CSMD2: variants seen among roughly 807,000 people sequenced by gnomAD.
CSMD2 encodes the protein CUB and Sushi multiple domains 2.
Under a neutral mutation model 398.5 loss-of-function variants are expected in CSMD2, and 130 were observed. The ratio of observed to expected loss-of-function variants is 0.33; its 90% CI spans 0.28 to 0.38. The LOEUF is 0.38. Ranked by LOEUF, CSMD2 falls within the 10% of genes least tolerant of loss-of-function variation. The pLI, the probability that CSMD2 is intolerant of heterozygous loss-of-function variation, is 1.00. For synonymous variants in CSMD2, 1,828 were observed against 1,908.5 expected (o/e 0.96, Z 1.10); for missense variants, 3,829 against 4,764.9 (o/e 0.80, Z 5.78).
intron 56 of CSMD2, among the ~76,000 whole-genome samples, chr1:33,548,148 C>A (rs1357083906): frequency 2.0e-5 from 3 of 152,172 alleles, no homozygotes; most frequent in Non-Finnish European, 4.4e-5. Flanking sequence ...CCTGTACAGC[C>A]TGCAGAACTG....
At chr1:33,871,220 C>G (rs1640435797) in intron 5 of CSMD2, among the ~76,000 whole-genome samples, 1 of 152,128 alleles carries the variant, frequency 6.6e-6, no homozygotes, top group South Asian at 2.1e-4. Context: ...AGGATAGTAT[C>G]ATGACATATA....
At chr1:33,589,661 A>G (rs938563486) in intron 44 of CSMD2, among the ~76,000 whole-genome samples, 1 of 152,206 alleles carries the variant, frequency 6.6e-6, no homozygotes, top group East Asian at 1.9e-4. Flanking sequence ...GCGTGACAAA[A>G]CAGTGCCTCT....
chr1:33,722,434 A>G (rs1646387027), intron 19 of CSMD2, among the ~76,000 whole-genome samples: 1 of 152,250 alleles, frequency 6.6e-6, no homozygotes, highest in Non-Finnish European at 1.5e-5. Context: ...AAGTGTCCAC[A>G]TTATCCCCCA....
At chr1:33,995,827 G>T (rs1283349615) in intron 3 of CSMD2, among the ~76,000 whole-genome samples, 2 of 152,204 alleles carry the variant, frequency 1.3e-5, no homozygotes, top group Admixed American at 1.3e-4. Flanking sequence ...CAGTAACCGG[G>T]AGCAGTGGTT....
intron 49 of CSMD2, among the ~76,000 whole-genome samples, chr1:33,574,570 T>C (rs375824418): frequency 2.0e-5 from 3 of 152,140 alleles, no homozygotes; most frequent in South Asian, 2.1e-4. Context: ...CAGAGTCCCA[T>C]TGAGATTGCC....
chr1:33,826,127 G>A (rs1385512874), intron 6 of CSMD2, among the ~76,000 whole-genome samples: 2 of 152,162 alleles, frequency 1.3e-5, no homozygotes, highest in Non-Finnish European at 2.9e-5. Flanking sequence ...GAGCGTCGAC[G>A]TGTGCAGCCT....
chr1:33,935,628 G>A (rs1179612085), intron 4 of CSMD2, 132 bp downstream of exon 4: 4 of 905,258 alleles, frequency 4.4e-6, no homozygotes, highest in Non-Finnish European at 4.9e-6. Flanking sequence ...AACCCTCTGT[G>A]CTGTCCAGAC....
Position 33,586,449 on chromosome 1 carries a change from G to A in CSMD2, c.7051+55C>T. On this transcript the variant is annotated intron_variant, in intron 46 of 70. Coordinates refer to ENST00000373381, the MANE Select transcript of CSMD2 (RefSeq NM_001281956.2). ...GAATAGAAAGAGGAGCAAAACAAGA[G>A]CTTTGTTCAGGAGGAACTTCTAGGC... The A allele has an allele frequency of 2.6e-6, 3 of 1,169,320 alleles. No homozygotes were observed. In the South Asian group the frequency reaches 3.7e-5, roughly 14 times the overall value. The allele number at this position is 1,169,320 out of a possible 1,614,324, so 72.4% of individuals were successfully genotyped here. A position where few individuals can be genotyped will look rare whatever the true frequency, so the allele number is the denominator to read the frequency against.
chr1:33,995,018 C>T (rs1043198165), intron 3 of CSMD2, among the ~76,000 whole-genome samples: 8 of 151,150 alleles, frequency 5.3e-5, no homozygotes, highest in Non-Finnish European at 8.8e-5. Context: ...GAGCCAAGAT[C>T]GCCCCACCGC....
intron 56 of CSMD2, among the ~76,000 whole-genome samples, chr1:33,549,247 G>C (rs1657193920): frequency 1.3e-5 from 2 of 152,188 alleles, no homozygotes; most frequent in Admixed American, 1.3e-4. Context: ...AGGAGGTCAT[G>C]ATCCTTTCCT....
chr1:33,864,662 T>C, intron 5 of CSMD2: 1 of 1,613,874 alleles, frequency 6.2e-7, no homozygotes, highest in Non-Finnish European at 8.5e-7. Flanking sequence ...TCGAGGAACT[T>C]GAACTCTACC....
At chr1:33,966,621 T>C (rs1224852153) in intron 3 of CSMD2, among the ~76,000 whole-genome samples, 1 of 151,586 alleles carries the variant, frequency 6.6e-6, no homozygotes, top group Non-Finnish European at 1.5e-5. Flanking sequence ...AGCGAGGGAG[T>C]CTAAGGAAGT....
chr1:33,940,077 C>A (rs1477689032), intron 3 of CSMD2, among the ~76,000 whole-genome samples: 1 of 152,232 alleles, frequency 6.6e-6, no homozygotes, highest in Non-Finnish European at 1.5e-5. Context: ...GAGCCATGAT[C>A]TCTTTGAAAC....
chr1:33,656,175 G>T (rs920380558), intron 27 of CSMD2, among the ~76,000 whole-genome samples: 2 of 152,120 alleles, frequency 1.3e-5, no homozygotes, highest in African/African-American at 4.8e-5. Flanking sequence ...AAGATAGAAA[G>T]GAAGGAAATT....
chr1:33,583,799 G>A lies in CSMD2; in HGVS notation c.7083C>T (p.Asp2361=), dbSNP rs532945313. ...TCTGGCTCAGGATCACGCCTGTGGAGTCTGTCAGAAGCTCATTTGTTGGAC... is the reference window on the plus strand; with the variant it reads ...TCTGGCTCAGGATCACGCCTGTGGAATCTGTCAGAAGCTCATTTGTTGGAC... ...VHCPTNELLT[D]STGVILSQSY... Residue 2361 remains aspartate, a synonymous_variant, in exon 47 of 71, where the codon GAC becomes GAT. Transcript: ENST00000373381. The A allele has an allele frequency of 1.2e-6, 2 of 1,614,174 alleles. No homozygotes were observed. Among genetic ancestry groups the A allele is most frequent in the African/African-American group, 1.3e-5 (1 of 75,052 alleles).
chr1:33,588,553 T>C (rs141470365), intron 44 of CSMD2, among the ~76,000 whole-genome samples: 3 of 152,352 alleles, frequency 2.0e-5, no homozygotes, highest in African/African-American at 7.2e-5. Flanking sequence ...AAAATTATAC[T>C]GTGTTGTACT....
chr1:33,668,327 G>A (rs142226136), intron 25 of CSMD2, among the ~76,000 whole-genome samples: 43 of 152,232 alleles, frequency 2.8e-4, no homozygotes, highest in South Asian at 6.2e-4. Context: ...TACATTTTGC[G>A]ATCACTCTTG....
At chr1:33,576,480 A>T (rs1035539911) in intron 49 of CSMD2, among the ~76,000 whole-genome samples, 3 of 152,116 alleles carry the variant, frequency 2.0e-5, no homozygotes, top group African/African-American at 7.2e-5. Context: ...AATCCCAGCT[A>T]CTCGGGAGGC....
rs545090853 is a variant in CSMD2 at position 33,676,090 on chromosome 1, T to C, written c.4053-12998A>G. Among the ~76,000 whole-genome samples, 10 of 152,296 alleles carry C rather than the reference T, an allele frequency of 6.6e-5. No homozygotes were observed. In the East Asian group the frequency reaches 1.3e-3, roughly 21 times the overall value. On this transcript the variant is annotated intron_variant, in intron 25 of 70. Coordinates refer to ENST00000373381, the MANE Select transcript of CSMD2 (RefSeq NM_001281956.2). ...CTCTCACCACTCCTATTCAACATAG[T>C]GTTGGAAGTTCTGGCCTGGGCAATC...
Sources: allele counts gnomAD v4.1 joint callset (sites outside exome capture counted in the v4.1 genomes callset), GRCh38; gene constraint gnomAD v4.1.1; transcripts MANE v1.5; gene names NCBI Gene and HGNC (gene_info 2026-07-23, HGNC 2026-07-21).